Variants in ZNF564 observed in about 807,000 individuals in gnomAD.
ZNF564 encodes the protein zinc finger protein 564.
In ZNF564, 5 loss-of-function variants were observed where a neutral mutation model predicts 10.5. That is an observed-to-expected ratio of 0.48 (90% CI 0.25 to 1.00). The LOEUF is 1.00. Among genes scored for constraint, ZNF564 ranks in the 50% least tolerant of loss-of-function variants. ZNF564 has a pLI of 0.16. For missense variants in ZNF564, 603 were observed against 669.7 expected (o/e 0.90, Z 1.10); for synonymous variants, 242 against 218.1 (o/e 1.11, Z -0.97).
chr19:12,532,289 A>G (rs1050323781), intron 1 of ZNF564, among the ~76,000 whole-genome samples: 5 of 151,806 alleles, frequency 3.3e-5, no homozygotes, highest in Admixed American at 3.3e-4. Context: ...TAATCCCAGC[A>G]CTTTGGGAGG....
intron 1 of ZNF564, among the ~76,000 whole-genome samples, chr19:12,543,296 C>T (rs1264091972): frequency 2.5e-5 from 3 of 118,828 alleles, no homozygotes; most frequent in Non-Finnish European, 3.3e-5. Flanking sequence ...AGTGAAACTT[C>T]GTCTCAGAAA....
chr19:12,526,832 A>C lies in ZNF564; in HGVS notation c.1276T>G (p.Cys426Gly). Reference protein sequence around the residue: ...TGEKPYECQVCGKAFISLKRI... With the variant: ...TGEKPYECQVGGKAFISLKRI... ...TTAAGAGAAATGAAGGCTTTCCCACATACCTGACATTCATAGGGTTTCTCT... is the reference window on the plus strand; with the variant it reads ...TTAAGAGAAATGAAGGCTTTCCCACCTACCTGACATTCATAGGGTTTCTCT... Residue 426 changes from cysteine to glycine, a missense_variant, in exon 4 of 4, where the codon TGT becomes GGT. By Grantham distance (159) the Cys-to-Gly change is radical (BLOSUM62 -3). Transcript: ENST00000339282. 1 of 1,614,134 alleles carries C rather than the reference A, an allele frequency of 6.2e-7. No individual in the cohort carries two copies. The highest frequency in any genetic ancestry group is 1.1e-5 in the South Asian group (1 of 91,082).
intron 1 of ZNF564, among the ~76,000 whole-genome samples, chr19:12,550,852 A>T (rs1246893431): frequency 6.6e-6 from 1 of 152,192 alleles, no homozygotes; most frequent in Middle Eastern, 3.2e-3. Flanking sequence ...AGCCCCAGAA[A>T]AAGCTAGGCT....
In ZNF564 at chr19:12,551,448, G is replaced by T; in HGVS notation, c.-116C>A. 2.1e-6 allele frequency: 3 copies of T among 1,436,338 alleles called. No individual in the cohort carries two copies. Among genetic ancestry groups the T allele is most frequent in the Non-Finnish European group, 1.8e-6 (2 of 1,093,542 alleles). 89.0% of individuals were successfully genotyped at this position (1,436,338 alleles called of 1,614,324 possible). On this transcript the variant is annotated 5_prime_UTR_variant, in exon 1 of 4. Transcript: ENST00000339282. ...CGGGGCCACTGGAGAAGCGGAGACC[G>T]GAACCCAAACGCAGCGGACACGAAA...
chr19:12,548,051 A>G (rs2022186251), intron 1 of ZNF564: 1 of 508,262 alleles, frequency 2.0e-6, no homozygotes, highest in South Asian at 8.5e-5. Flanking sequence ...CAGGTGATCC[A>G]CCCACCTCAG....
At chr19:12,549,011 G>A in intron 1 of ZNF564, 1 of 621,972 alleles carries the variant, frequency 1.6e-6, no homozygotes. Context: ...GCTAAGTTCT[G>A]GGATTGATCT....
At chr19:12,549,581 C>T (rs959410600) in intron 1 of ZNF564, among the ~76,000 whole-genome samples, 4 of 152,198 alleles carry the variant, frequency 2.6e-5, no homozygotes, top group Non-Finnish European at 4.4e-5. Context: ...TCATTTGTGT[C>T]TTTTCCTCTC....
chr19:12,539,128 G>A (rs1005672868), intron 1 of ZNF564, among the ~76,000 whole-genome samples: 6 of 151,280 alleles, frequency 4.0e-5, no homozygotes, highest in East Asian at 1.9e-4. Context: ...CAGCTACTCC[G>A]GAGGCTGAGG....
Position 12,527,639 on chromosome 19 carries a change from G to C in ZNF564, c.469C>G (p.Arg157Gly). Reference protein sequence around the residue: ...GKAFSSCQSFRRHERTHTGEK... With the variant: ...GKAFSSCQSFGRHERTHTGEK... The stretch of plus-strand genomic sequence containing the variant: ...CCAGTGTGAGTTCTTTCATGTCTTC[G>C]AAAGGATTGACAAGAACTGAAGGCT... The change falls in exon 4 of 4, where the codon CGA (arginine) becomes GGA (glycine). Residue 157 changes from arginine (R) to glycine (G), a missense_variant. Physicochemically the swap from Arg to Gly is moderately radical, Grantham distance 125. Transcript: ENST00000339282. The C allele has an allele frequency of 6.2e-7, 1 of 1,614,114 alleles. No individual in the cohort carries two copies. Among genetic ancestry groups the C allele is most frequent in the Non-Finnish European group, 8.5e-7 (1 of 1,180,032 alleles).
At chr19:12,544,385 G>C (rs1045541221) in intron 1 of ZNF564, among the ~76,000 whole-genome samples, 3 of 151,114 alleles carry the variant, frequency 2.0e-5, no homozygotes, top group Non-Finnish European at 4.4e-5. Context: ...GTGTAGAGCT[G>C]TCTATTGCAG....
intron 1 of ZNF564, among the ~76,000 whole-genome samples, chr19:12,540,807 T>C (rs2022030475): frequency 6.6e-6 from 1 of 151,598 alleles, no homozygotes; most frequent in African/African-American, 2.4e-5. Flanking sequence ...TGAGCCGAGA[T>C]GGCACCACTG....
rs148950168 is a variant in ZNF564, at chr19:12,530,172, C to T, written c.4-1476G>A. ...TTCTGACAAAATCCAGCTGACCACA[C>T]TTTCCTGAAGGATTCCAGGCCATCA... is the stretch of plus-strand genomic sequence containing the variant. On this transcript the variant is annotated intron_variant, in intron 1 of 3. Transcript: ENST00000339282. 894 of 152,406 alleles carry T rather than the reference C, an allele frequency of 5.9e-3. 5 individuals carry two copies. The highest frequency in any genetic ancestry group is 0.012 in the Admixed American group (176 of 15,288). The allele number at this position is 152,406 out of a possible 1,614,324, so 9.4% of individuals were successfully genotyped here.
chr19:12,532,384 A>C (rs2021823866), intron 1 of ZNF564, among the ~76,000 whole-genome samples: 1 of 150,208 alleles, frequency 6.7e-6, no homozygotes, highest in African/African-American at 2.5e-5. Context: ...AAATACAAAA[A>C]ATTAGCCGGG....
intron 1 of ZNF564, among the ~76,000 whole-genome samples, chr19:12,538,857 A>C (rs1488262412): frequency 6.6e-6 from 1 of 152,128 alleles, no homozygotes; most frequent in Non-Finnish European, 1.5e-5. Flanking sequence ...TTGGTTTGCC[A>C]ATTTTCATCA....
At chr19:12,546,561 A>G (rs1240573372) in intron 1 of ZNF564, among the ~76,000 whole-genome samples, 2 of 152,036 alleles carry the variant, frequency 1.3e-5, no homozygotes, top group Non-Finnish European at 2.9e-5. Context: ...CCCCGTCTCT[A>G]CTAAAAATAC....
chr19:12,532,509 T>C (rs1032705964), intron 1 of ZNF564, among the ~76,000 whole-genome samples: 112 of 113,400 alleles, frequency 9.9e-4, no homozygotes, highest in Admixed American at 2.6e-3. Flanking sequence ...CACTCCAGCC[T>C]GGGCGACAGA....
intron 1 of ZNF564, among the ~76,000 whole-genome samples, chr19:12,532,167 T>C (rs945836642): frequency 6.6e-6 from 1 of 151,812 alleles, no homozygotes; most frequent in Non-Finnish European, 1.5e-5. Context: ...TGCGCTATAA[T>C]TTATTGTGAA....
intron 1 of ZNF564, chr19:12,529,842 G>A (rs1417808204): frequency 6.6e-6 from 1 of 151,898 alleles, no homozygotes; most frequent in Non-Finnish European, 1.5e-5. Context: ...AAATTCACTG[G>A]GCGTGGTGGT....
chr19:12,549,073 C>A (rs188372496), intron 1 of ZNF564, among the ~76,000 whole-genome samples: 2 of 136,802 alleles, frequency 1.5e-5, no homozygotes, highest in African/African-American at 5.5e-5. Flanking sequence ...ATACATGTTG[C>A]GGAGAGGAAA....
Sources: allele counts gnomAD v4.1 joint callset (sites outside exome capture counted in the v4.1 genomes callset), GRCh38; gene constraint gnomAD v4.1.1; transcripts MANE v1.5; gene names NCBI Gene and HGNC (gene_info 2026-07-23, HGNC 2026-07-21).